The following TM9SF2 variants were observed in gnomAD, a reference collection of about 807,000 sequenced individuals.
The protein encoded by TM9SF2 is 76 kDa membrane protein.
In TM9SF2, 13 loss-of-function variants were observed where a neutral mutation model predicts 84.9. The ratio of observed to expected loss-of-function variants is 0.15; its 90% CI spans 0.10 to 0.24. The LOEUF (loss-of-function observed/expected upper bound fraction) is 0.24. Among genes scored for constraint, TM9SF2 ranks in the 10% least tolerant of loss-of-function variants. The pLI is 1.00. For synonymous variants in TM9SF2, 273 were observed against 285.8 expected (o/e 0.96, Z 0.45); for missense variants, 562 against 818.5 (o/e 0.69, Z 3.82).
chr13:99,550,168 T>C (rs2046299933), intron 12 of TM9SF2, among the ~76,000 whole-genome samples: 2 of 152,244 alleles, frequency 1.3e-5, no homozygotes, highest in African/African-American at 2.4e-5. Context: ...GTTCTGCTTA[T>C]GTGGTTCTTT....
chr13:99,558,017 G>A (rs1461799083), intron 15 of TM9SF2, among the ~76,000 whole-genome samples: 2 of 152,196 alleles, frequency 1.3e-5, no homozygotes, highest in African/African-American at 4.8e-5. Context: ...GTGATGTAGT[G>A]TCCAGCTACA....
At chr13:99,541,537 C>A in intron 8 of TM9SF2, 22 bp from the exon 9 acceptor site, 2 of 1,542,524 alleles carry the variant, frequency 1.3e-6, no homozygotes, top group South Asian at 2.3e-5. Context: ...ACAGATTACT[C>A]ATGATGTGCT....
chr13:99,520,007 G>A (rs756088806), intron 2 of TM9SF2, 29 bp from the exon 3 acceptor site: 2 of 1,600,934 alleles, frequency 1.2e-6, no homozygotes, highest in Non-Finnish European at 1.7e-6. Context: ...TCCCTTTTAT[G>A]TGTAAAAATT....
chr13:99,537,625 A>T, intron 5 of TM9SF2, 114 bp from the exon 6 acceptor site: 1 of 871,868 alleles, frequency 1.1e-6, no homozygotes, highest in Non-Finnish European at 1.7e-6. Flanking sequence ...TGAAAGGCTT[A>T]AAATTCCATT....
rs1221762826 is a variant in TM9SF2 at position 99,562,176 on chromosome 13, A to T, written c.1925-515A>T. ...ATGCTGTCCCTCATTTTCAGCTAGG[A>T]TGCATTTTTGTTACTATCTAATCAT... On this transcript the variant is annotated intron_variant, in intron 16 of 16. Coordinates refer to ENST00000376387, the MANE Select transcript of TM9SF2 (RefSeq NM_004800.3). Among the ~76,000 whole-genome samples the T allele has an allele frequency of 2.0e-5, 3 of 152,142 alleles. 1 individual carries two copies. The highest frequency in any genetic ancestry group is 1.3e-4 in the Admixed American group (2 of 15,262).
rs2046259679 is a variant in TM9SF2 at position 99,541,541 on chromosome 13, A to G, written c.909-18A>G. 1 of 1,558,566 alleles carries G rather than the reference A, an allele frequency of 6.4e-7. No homozygotes were observed. The highest frequency in any genetic ancestry group is 8.8e-7 in the Non-Finnish European group (1 of 1,132,770). ...AGGATTAAGCTACAGATTACTCATG[A>G]TGTGCTTATTTCTACAGCATTATGA... On this transcript the variant is annotated intron_variant, in intron 8 of 16. Coordinates refer to ENST00000376387, the MANE Select transcript of TM9SF2 (RefSeq NM_004800.3).
At chr13:99,542,669 T>C (rs1393777121) in intron 9 of TM9SF2, among the ~76,000 whole-genome samples, 3 of 152,090 alleles carry the variant, frequency 2.0e-5, no homozygotes, top group Admixed American at 6.6e-5. Context: ...GCTTTTAACG[T>C]TTGTACTCTA....
At chr13:99,513,098 T>C (rs2046120201) in intron 1 of TM9SF2, among the ~76,000 whole-genome samples, 1 of 152,162 alleles carries the variant, frequency 6.6e-6, no homozygotes, top group Non-Finnish European at 1.5e-5. Context: ...GATGATGAGC[T>C]CCAAGCTGTC....
Position 99,539,480 on chromosome 13 carries a change from T to A in TM9SF2, c.751T>A (p.Ser251Thr). ...TACCCATATAGATAAACCAGACTGC[T>A]CAGGGCCCCCCATGGACATAAGTAA... The part of the protein sequence containing the change: ...KHTHIDKPDC[S>T]GPPMDISNKA... The change falls in exon 7 of 17, where the codon TCA (serine) becomes ACA (threonine). Residue 251 changes from serine (S) to threonine (T), a missense_variant. Ser to Thr is a moderately conservative substitution (Grantham distance 58). This residue lies in a region of TM9SF2 where 267 missense variants were observed against 316.7 expected (regional missense o/e 0.84). Coordinates refer to ENST00000376387, the MANE Select transcript of TM9SF2 (RefSeq NM_004800.3). 1 of 1,613,902 alleles carries A rather than the reference T, an allele frequency of 6.2e-7. No individual in the cohort carries two copies. Among genetic ancestry groups the A allele is most frequent in the Non-Finnish European group, 8.5e-7 (1 of 1,179,816 alleles).
At chr13:99,532,441 G>A (rs935599575) in intron 4 of TM9SF2, among the ~76,000 whole-genome samples, 9 of 152,058 alleles carry the variant, frequency 5.9e-5, no homozygotes, top group Non-Finnish European at 1.3e-4. Flanking sequence ...TATAATCCCA[G>A]CATTTTGGGA....
At chr13:99,534,784 G>A (rs2046226355) in intron 4 of TM9SF2, among the ~76,000 whole-genome samples, 1 of 152,182 alleles carries the variant, frequency 6.6e-6, no homozygotes, top group Non-Finnish European at 1.5e-5. Flanking sequence ...TTGGAAATAA[G>A]AGTTTTAATT....
At chr13:99,558,292 A>T (rs1374378315) in intron 15 of TM9SF2, among the ~76,000 whole-genome samples, 11 of 152,134 alleles carry the variant, frequency 7.2e-5, no homozygotes, top group Admixed American at 5.2e-4. Context: ...GATTGTTTTG[A>T]CTATTTGGAG....
intron 1 of TM9SF2, among the ~76,000 whole-genome samples, chr13:99,514,872 T>G (rs540826145): frequency 1.3e-5 from 2 of 152,356 alleles, no homozygotes; most frequent in African/African-American, 4.8e-5. Flanking sequence ...TACGGTACTT[T>G]ATGCCAGGTG....
intron 1 of TM9SF2, among the ~76,000 whole-genome samples, chr13:99,516,979 A>G (rs2046137296): frequency 6.6e-6 from 1 of 152,230 alleles, no homozygotes; most frequent in Non-Finnish European, 1.5e-5. Flanking sequence ...AGATTTTTAA[A>G]AACAGCATCT....
At chr13:99,537,427 G>A (rs562791300) in intron 5 of TM9SF2, among the ~76,000 whole-genome samples, 42 of 152,222 alleles carry the variant, frequency 2.8e-4, no homozygotes, top group Admixed American at 2.2e-3. Context: ...ATAAGCATTA[G>A]TGTGCTCATA....
At chr13:99,535,667 T>G (rs1448004704) in intron 4 of TM9SF2, among the ~76,000 whole-genome samples, 3 of 152,184 alleles carry the variant, frequency 2.0e-5, no homozygotes, top group African/African-American at 7.2e-5. Context: ...AGGTACACCT[T>G]GGGTGAATAT....
chr13:99,558,464 G>A (rs370303356), intron 15 of TM9SF2, among the ~76,000 whole-genome samples: 30 of 152,278 alleles, frequency 2.0e-4, no homozygotes, highest in Middle Eastern at 6.8e-3. Context: ...CGTAAACATG[G>A]GATGTCTTTC....
At chr13:99,540,188 T>G (rs1164521207) in intron 7 of TM9SF2, among the ~76,000 whole-genome samples, 1 of 152,108 alleles carries the variant, frequency 6.6e-6, no homozygotes, top group Non-Finnish European at 1.5e-5. Flanking sequence ...TAGGCAGTGT[T>G]CCAACTCTAT....
At position 99,555,687 on chromosome 13, in the gene TM9SF2, A is replaced by G. The variant is rs778201018; in HGVS notation, c.1752+40A>G. 1.7e-5 allele frequency: 24 copies of G among 1,416,678 alleles called. 1 individual carries two copies. The South Asian group carries it at 2.9e-4, about 17-fold the overall frequency. 87.8% of individuals were successfully genotyped at this position (1,416,678 alleles called of 1,614,324 possible). ...TATTCACTTATGTTAATTTGTAGAC[A>G]GTAACTTTGGCATATTGCAATTTGT... On this transcript the variant is annotated intron_variant, in intron 15 of 16. Transcript: ENST00000376387.
Sources: gnomAD v4.1 joint callset for allele counts (sites outside exome capture counted in the v4.1 genomes callset) on GRCh38, gnomAD v4.1.1 for gene constraint, gnomAD v4.1.1 regional missense constraint, MANE v1.5 for transcripts, NCBI Gene and HGNC (gene_info 2026-07-23, HGNC 2026-07-21) for gene names.